Variants in COA8 observed in about 807,000 individuals in gnomAD.
COA8 encodes the protein UPF0671 protein C14orf153.
In COA8, 20 loss-of-function variants were observed where a neutral mutation model predicts 22.0. The ratio of observed to expected loss-of-function variants is 0.91; its 90% CI spans 0.64 to 1.32. COA8 has a LOEUF of 1.32. Ranked by LOEUF, COA8 falls within the 40% of genes most tolerant of loss-of-function variation. The pLI, the probability that COA8 is intolerant of heterozygous loss-of-function variation, is 0.00. For synonymous variants in COA8, 105 were observed against 79.9 expected, an observed-to-expected ratio of 1.31 and a Z score of -1.68; for missense variants, 266 against 230.0, an observed-to-expected ratio of 1.16 and a Z score of -1.01.
chr14:103,563,455 G>GT (rs982369930), intron 1 of COA8: 20 of 435,910 alleles, frequency 4.6e-5, no homozygotes, highest in East Asian at 1.4e-4. Flanking sequence ...CTTACCGTGC[G>GT]TTTTTTTTCG....
intron 2 of COA8, among the ~76,000 whole-genome samples, chr14:103,572,618 G>A (rs1211688953): frequency 1.3e-5 from 2 of 151,646 alleles, no homozygotes; most frequent in East Asian, 3.9e-4. Context: ...TGATCCCCAT[G>A]ACTTGGGAGG....
intron 1 of COA8, 151 bp downstream of exon 1, chr14:103,563,275 A>G: frequency 9.4e-7 from 1 of 1,065,304 alleles, no homozygotes; most frequent in Non-Finnish European, 1.4e-6. Context: ...CGCAGCCCCG[A>G]GGCTCCCGCA....
chr14:103,563,138 TG>T lies in COA8; in HGVS notation c.123+18del. On this transcript the variant is annotated intron_variant, in intron 1 of 4. Transcript: ENST00000409074. ...GCGCCCAGCGGGGTAAGCAGGGGCC[TG>T]GGGACATTGGGCCGGGAGGGGTGAC... is the stretch of plus-strand genomic sequence containing the variant. 1 of 1,540,610 alleles carries T rather than the reference TG, an allele frequency of 6.5e-7. No homozygotes were observed. The highest frequency in any genetic ancestry group is 8.7e-7 in the Non-Finnish European group (1 of 1,149,158).
At chr14:103,569,657 G>A (rs1442828266) in intron 1 of COA8, among the ~76,000 whole-genome samples, 2 of 152,204 alleles carry the variant, frequency 1.3e-5, no homozygotes, top group African/African-American at 4.8e-5. Context: ...AGGAGTCGCC[G>A]TCCTGGGCCA....
At chr14:103,588,839 T>TA (rs2076330333) in intron 4 of COA8, among the ~76,000 whole-genome samples, 2 of 151,924 alleles carry the variant, frequency 1.3e-5, no homozygotes, top group Admixed American at 6.6e-5. Flanking sequence ...GAGACCCTAA[T>TA]AAAAAAAGAG....
In COA8 at chr14:103,571,840, C is replaced by A; in HGVS notation, c.321+20C>A. The A allele has an allele frequency of 6.2e-7, 1 of 1,608,354 alleles. No homozygotes were observed. The highest frequency in any genetic ancestry group is 1.1e-5 in the South Asian group (1 of 90,806). ...AGTAAGGTAAGTTTAAGTTTTAGAT[C>A]AGAACGGAAGGGTGCGGTGGCTCAC... On this transcript the variant is annotated intron_variant, in intron 2 of 4. Transcript: ENST00000409074.
In COA8 at chr14:103,563,092, G is replaced by C. The variant is rs752008808; in HGVS notation, c.91G>C (p.Gly31Arg). Residue 31 changes from glycine to arginine, a missense_variant, in exon 1 of 5, where the codon GGC becomes CGC. Gly to Arg is a moderately radical substitution (Grantham distance 125). Transcript: ENST00000409074. ...CRGCQLAPER[G>R]AERRDTAPSG... Reference sequence around the variant, plus strand: ...CGGCTGTCAACTCGCTCCGGAGCGCGGCGCCGAGCGCAGGGATACGGCGCC... The same window carrying C: ...CGGCTGTCAACTCGCTCCGGAGCGCCGCGCCGAGCGCAGGGATACGGCGCC... 1.5e-4 allele frequency: 234 copies of C among 1,539,506 alleles called. No individual in the cohort carries two copies. The highest frequency in any genetic ancestry group is 2.0e-4 in the Non-Finnish European group (232 of 1,147,662).
chr14:103,571,787 G>A lies in COA8; in HGVS notation c.288G>A (p.Gln96=), dbSNP rs777029150. 2 of 1,614,102 alleles carry A rather than the reference G, an allele frequency of 1.2e-6. No individual in the cohort carries two copies. The highest frequency in any genetic ancestry group is 8.5e-7 in the Non-Finnish European group (1 of 1,180,022). The part of the protein sequence containing the change: ...LRQETQEWNQ[Q]FWANQNLTFS... ...AAGAAACACAAGAATGGAATCAACAGTTCTGGGCAAACCAGAATTTGACTT... is the reference window on the plus strand; with the variant it reads ...AAGAAACACAAGAATGGAATCAACAATTCTGGGCAAACCAGAATTTGACTT... The change falls in exon 2 of 5, where the codon CAG becomes CAA. Residue 96 remains glutamine, a synonymous_variant. Transcript: ENST00000409074.
At chr14:103,576,345 A>G (rs939511397) in intron 3 of COA8, among the ~76,000 whole-genome samples, 1 of 152,174 alleles carries the variant, frequency 6.6e-6, no homozygotes, top group Non-Finnish European at 1.5e-5. Context: ...TATGGATTAA[A>G]GAGTTAGATA....
At chr14:103,568,476 C>T (rs527701422) in intron 1 of COA8, among the ~76,000 whole-genome samples, 2 of 151,474 alleles carry the variant, frequency 1.3e-5, no homozygotes, top group South Asian at 2.1e-4. Context: ...TACACACACA[C>T]ATATATACAC....
At chr14:103,583,541 CAA>C (rs35726464) in intron 3 of COA8, among the ~76,000 whole-genome samples, 906 of 53,020 alleles carry the variant, frequency 0.017, 4 homozygotes, top group African/African-American at 0.061. Flanking sequence ...GACTCGATCT[CAA>C]AAAAAAAAAA....
At chr14:103,565,475 C>T (rs912948608) in intron 1 of COA8, among the ~76,000 whole-genome samples, 3 of 152,068 alleles carry the variant, frequency 2.0e-5, no homozygotes, top group East Asian at 1.9e-4. Flanking sequence ...CTTGTTTGCA[C>T]GTAAGAATTA....
At chr14:103,585,366 C>T (rs1381505953) in intron 3 of COA8, among the ~76,000 whole-genome samples, 1 of 150,400 alleles carries the variant, frequency 6.6e-6, no homozygotes, top group Non-Finnish European at 1.5e-5. Flanking sequence ...GTAATCCCAG[C>T]TACTCGGGAG....
intron 3 of COA8, among the ~76,000 whole-genome samples, chr14:103,586,725 C>A (rs1032115100): frequency 6.6e-6 from 1 of 151,128 alleles, no homozygotes; most frequent in Non-Finnish European, 1.5e-5. Context: ...ACCTCTGCCA[C>A]CCCCCACCGG....
Position 103,563,111 on chromosome 14 carries a change from C to T in COA8, c.110C>T (p.Thr37Met), listed in dbSNP as rs924218363. 2 of 1,538,750 alleles carry T rather than the reference C, an allele frequency of 1.3e-6. No individual in the cohort carries two copies. The highest frequency in any genetic ancestry group is 2.0e-5 in the Admixed American group (1 of 51,194). ...APERGAERRD[T>M]APSGVSRFCP... The stretch of plus-strand genomic sequence containing the variant: ...GAGCGCGGCGCCGAGCGCAGGGATA[C>T]GGCGCCCAGCGGGGTAAGCAGGGGC... The change falls in exon 1 of 5, where the codon ACG becomes ATG. Residue 37 changes from threonine (T) to methionine (M), a missense_variant. Coordinates refer to ENST00000409074, the MANE Select transcript of COA8 (RefSeq NM_001370595.2).
intron 3 of COA8, among the ~76,000 whole-genome samples, chr14:103,575,839 G>T (rs1247553373): frequency 1.1e-4 from 17 of 151,986 alleles, no homozygotes; most frequent in Non-Finnish European, 1.5e-5. Flanking sequence ...AGCTAGGACT[G>T]CAGGTGCACG....
intron 3 of COA8, among the ~76,000 whole-genome samples, chr14:103,585,874 C>T (rs529755801): frequency 1.3e-5 from 2 of 148,356 alleles, no homozygotes; most frequent in South Asian, 4.3e-4. Context: ...ATGCCCGGCC[C>T]GGCCCTTTTT....
At position 103,582,737 on chromosome 14, in the gene COA8, C is replaced by CTTTTTTTTTTTT. The variant is rs61102383; in HGVS notation, c.386-4532_386-4521dup. On this transcript the variant is annotated intron_variant, in intron 3 of 4. Coordinates refer to ENST00000409074, the MANE Select transcript of COA8 (RefSeq NM_001370595.2). ...TCACATACCATAAAATTCACCCTGC[C>CTTTTTTTTTTTT]TTTTTTTTTTTTTTTTGAGATGGAG... 2.5e-4 allele frequency among the ~76,000 whole-genome samples: 30 copies of CTTTTTTTTTTTT among 120,920 alleles called. 3 individuals are homozygous for CTTTTTTTTTTTT. The highest frequency in any genetic ancestry group is 3.1e-4 in the Non-Finnish European group (19 of 61,138). The allele number at this position is 120,920 out of a possible 152,430, so 79.3% of individuals were successfully genotyped here. A position where few individuals can be genotyped will look rare whatever the true frequency, so the allele number is the denominator to read the frequency against.
intron 3 of COA8, among the ~76,000 whole-genome samples, chr14:103,585,701 G>A (rs903465053): frequency 2.1e-5 from 3 of 146,032 alleles, no homozygotes; most frequent in South Asian, 2.2e-4. Context: ...TCAGCCTCCC[G>A]AGTAACTGGG....
Sources: gnomAD v4.1 joint callset for allele counts (sites outside exome capture counted in the v4.1 genomes callset) on GRCh38, gnomAD v4.1.1 for gene constraint, MANE v1.5 for transcripts, NCBI Gene and HGNC (gene_info 2026-07-23, HGNC 2026-07-21) for gene names.